The following MCM3AP variants were observed in gnomAD, a reference collection of about 807,000 sequenced individuals.
The protein encoded by MCM3AP is germinal-center associated nuclear protein.
In MCM3AP, 126 loss-of-function variants were observed where a neutral mutation model predicts 184.1. The ratio of observed to expected loss-of-function variants is 0.68; its 90% confidence interval spans 0.59 to 0.79. The LOEUF is 0.79. MCM3AP is among the 30% of genes least tolerant of loss of function. The pLI, the probability that MCM3AP is intolerant of heterozygous loss-of-function variation, is 0.00. For synonymous variants in MCM3AP, 1,002 were observed against 979.3 expected, an observed-to-expected ratio of 1.02 and a Z score of -0.43; for missense variants, 2,496 against 2,479.2, an observed-to-expected ratio of 1.01 and a Z score of -0.14.
At chr21:46,250,215 T>G (rs1489250746) in intron 20 of MCM3AP, 1 of 152,196 alleles carries the variant, frequency 6.6e-6, no homozygotes, top group Non-Finnish European at 1.5e-5. Context: ...CTGAGGTGAA[T>G]AGCAGTCACA....
rs779137311 is a variant in MCM3AP, at chr21:46,270,600, A to AT, written c.2466-38dup. ...AGGAGAGAAAAGGGGTTGGAATGTT[A>AT]TTTTAAATAAGACAAAATTTTCATG... On this transcript the variant is annotated intron_variant, in intron 8 of 27. Transcript: ENST00000291688. The AT allele has an allele frequency of 4.9e-5, 74 of 1,522,778 alleles. No individual in the cohort carries two copies. In the African/African-American group the frequency reaches 1.0e-3, roughly 21 times the overall value. 94.3% of individuals were successfully genotyped at this position (1,522,778 alleles called of 1,614,324 possible).
In MCM3AP at chr21:46,265,992, C is replaced by A. The variant is rs775884423; in HGVS notation, c.2964G>T (p.Lys988Asn). ...CCGCGGCCAGGCTCTCCCCGATGTACTTGTTCTGGGAGTTGAAGCTGCACA... is the reference window on the plus strand; with the variant it reads ...CCGCGGCCAGGCTCTCCCCGATGTAATTGTTCTGGGAGTTGAAGCTGCACA... ...TPVCSFNSQN[K>N]YIGESLAAEL... The change falls in exon 11 of 28, where the codon AAG (lysine) becomes AAT (asparagine). Residue 988 changes from lysine to asparagine, a missense_variant. By Grantham distance (94) the Lys-to-Asn change is moderately conservative. This residue lies in a region of MCM3AP where 1,323 missense variants were observed against 1,273.4 expected (regional missense o/e 1.04). Transcript: ENST00000291688. 6.2e-7 allele frequency: 1 copy of A among 1,607,826 alleles called. No homozygotes were observed. Among genetic ancestry groups the A allele is most frequent in the South Asian group, 1.1e-5 (1 of 88,956 alleles).
Position 46,242,803 on chromosome 21 carries a change from G to C in MCM3AP, c.5425C>G (p.Arg1809Gly), listed in dbSNP as rs776516842. Residue 1809 changes from arginine to glycine, a missense_variant and splice_region_variant, in exon 25 of 28, where the codon CGT (arginine) becomes GGT (glycine). By Grantham distance (125) the Arg-to-Gly change is moderately radical. Around this residue, in one of 5 missense-constraint regions of MCM3AP, gnomAD observed 1,323 missense variants for 1,273.4 expected, o/e 1.04. Coordinates refer to ENST00000291688, the MANE Select transcript of MCM3AP (RefSeq NM_003906.5). ...AAACATACTGAACATGAACCTCACC[G>C]TCCCTCTCTCAGCTGTAGCTCCTTC... is the stretch of plus-strand genomic sequence containing the variant. ...TQKELQLREGRLAIKPFHPSA... is the reference protein window; with the variant it reads ...TQKELQLREGGLAIKPFHPSA... The C allele has an allele frequency of 5.0e-6, 8 of 1,605,564 alleles. No homozygotes were observed. In the Admixed American group the frequency reaches 1.4e-4, roughly 28 times the overall value.
rs1242043325 is a variant in MCM3AP at position 46,243,624 on chromosome 21, G to C, written c.5137C>G (p.Leu1713Val). ...CACCTACAGTAGGTTCTGTGGAGCA[G>C]GTTCTCCACCTGGGACTGGAGGACA... ...QPVLQSQVEN[L>V]LHRTYCRWKS... Residue 1713 changes from leucine (L) to valine (V), a missense_variant, in exon 24 of 28, where the codon CTG becomes GTG. Leu to Val is a conservative substitution (Grantham distance 32, BLOSUM62 1). Transcript: ENST00000291688. The C allele has an allele frequency of 5.6e-6, 9 of 1,614,230 alleles. No homozygotes were observed. Among genetic ancestry groups the C allele is most frequent in the African/African-American group, 1.3e-5 (1 of 75,070 alleles).
intron 20 of MCM3AP, chr21:46,249,765 T>C: frequency 6.4e-6 from 2 of 313,506 alleles, no homozygotes; most frequent in South Asian, 5.1e-5. Context: ...CAGTCTGTGT[T>C]TGCACTCATT....
At position 46,280,118 on chromosome 21, in the gene MCM3AP, A is replaced by AT. The variant is rs2081312935; in HGVS notation, c.1541_1542insA (p.Phe514LeufsTer10). On this transcript the variant is annotated frameshift_variant, in exon 4 of 28. Transcript: ENST00000291688. LOFTEE classifies it high-confidence loss of function. The stretch of plus-strand genomic sequence containing the variant: ...CACCTGGTTTCTTCTCCTTCAGGGA[A>AT]AAGGGTTTCTTATTGGGGCCTGTGG... The AT allele has an allele frequency of 6.2e-7, 1 of 1,614,198 alleles. No homozygotes were observed.
At chr21:46,268,548 G>T (rs1297280284) in intron 9 of MCM3AP, among the ~76,000 whole-genome samples, 1 of 152,216 alleles carries the variant, frequency 6.6e-6, no homozygotes, top group African/African-American at 2.4e-5. Flanking sequence ...TGCTGAGGGC[G>T]GCAGCCAAGC....
chr21:46,283,791 T>C lies in MCM3AP; in HGVS notation c.1267A>G (p.Thr423Ala), dbSNP rs144151494. ...GGAGACAAGCCCCCAAGACTGTCTG[T>C]GCTCTCGCTTCTGTTACTCTGACGC... is the stretch of plus-strand genomic sequence containing the variant. The part of the protein sequence containing the change: ...PARQSNRSES[T>A]DSLGGLSPSE... Residue 423 changes from threonine (T) to alanine (A), a missense_variant, in exon 2 of 28, where the codon ACA becomes GCA. Coordinates refer to ENST00000291688, the MANE Select transcript of MCM3AP (RefSeq NM_003906.5). The C allele has an allele frequency of 2.6e-3, 4,246 of 1,614,114 alleles. 5 individuals are homozygous for C. The highest frequency in any genetic ancestry group is 3.4e-3 in the Non-Finnish European group (3,979 of 1,180,020).
intron 27 of MCM3AP, 133 bp from the exon 28 acceptor site, chr21:46,235,559 AATT>A (rs2080507103): frequency 4.2e-6 from 3 of 715,022 alleles, no homozygotes; most frequent in Non-Finnish European, 7.0e-6. Context: ...GAGGGAAAAA[AATT>A]ATCCTTTGTA....
At chr21:46,254,145 G>T in intron 19 of MCM3AP, 1 of 535,008 alleles carries the variant, frequency 1.9e-6, no homozygotes, top group Admixed American at 3.3e-5. Context: ...CCCAGTCTCA[G>T]ATATTTCTTT....
intron 10 of MCM3AP, 133 bp downstream of exon 10, chr21:46,266,849 G>C: frequency 1.1e-6 from 1 of 950,906 alleles, no homozygotes; most frequent in Non-Finnish European, 1.5e-6. Context: ...TCTGAGTCTC[G>C]TGTGTTCACC....
At chr21:46,276,184 G>A (rs994990273) in intron 5 of MCM3AP, among the ~76,000 whole-genome samples, 50 of 151,912 alleles carry the variant, frequency 3.3e-4, no homozygotes, top group African/African-American at 1.1e-3. Context: ...CCCGGGAGGC[G>A]GACGTTGCAG....
chr21:46,237,142 C>T (rs1183362100), intron 26 of MCM3AP, among the ~76,000 whole-genome samples, 163 bp from the exon 27 acceptor site: 1 of 136,798 alleles, frequency 7.3e-6, no homozygotes, highest in East Asian at 2.2e-4. Flanking sequence ...CACTCTGTTG[C>T]CCAGGCTGGA....
intron 9 of MCM3AP, among the ~76,000 whole-genome samples, chr21:46,268,304 G>A (rs1214897975): frequency 6.6e-6 from 1 of 152,212 alleles, no homozygotes; most frequent in Non-Finnish European, 1.5e-5. Flanking sequence ...TAAGCTGTTA[G>A]TCCTCTTCCG....
intron 9 of MCM3AP, chr21:46,267,529 C>T (rs1057020056): frequency 3.4e-5 from 6 of 175,154 alleles, no homozygotes; most frequent in Non-Finnish European, 7.3e-5. Flanking sequence ...AAACCAATCC[C>T]GTGGAATGAC....
At position 46,259,854 on chromosome 21, in the gene MCM3AP, G is replaced by C. The variant is rs1308238988; in HGVS notation, c.3582-763C>G. The stretch of plus-strand genomic sequence containing the variant: ...CGGGAGGCGGAGCTTGCAGTGAGCC[G>C]AGATGGCACCACTGCACTCCAGCTT... On this transcript the variant is annotated intron_variant, in intron 15 of 27. Transcript: ENST00000291688. 2.7e-5 allele frequency among the ~76,000 whole-genome samples: 4 copies of C among 148,664 alleles called. No individual in the cohort carries two copies. The Admixed American group carries it at 2.7e-4, about 10-fold the overall frequency.
rs368797124 is a variant in MCM3AP at position 46,267,153 on chromosome 21, G to A, written c.2629-11C>T. On this transcript the variant is annotated splice_polypyrimidine_tract_variant and intron_variant, in intron 9 of 27. Coordinates refer to ENST00000291688, the MANE Select transcript of MCM3AP (RefSeq NM_003906.5). ...AGCATCCTTGCGGATCTGAGAGGAGGAGCGAAATCACTGCAGTCTCAGACG... is the reference window on the plus strand; with the variant it reads ...AGCATCCTTGCGGATCTGAGAGGAGAAGCGAAATCACTGCAGTCTCAGACG... 17 of 1,611,980 alleles carry A rather than the reference G, an allele frequency of 1.1e-5. No individual in the cohort carries two copies. Among genetic ancestry groups the A allele is most frequent in the Middle Eastern group, 1.6e-4 (1 of 6,068 alleles).
chr21:46,237,329 C>T (rs1410710761), intron 26 of MCM3AP, among the ~76,000 whole-genome samples: 5 of 152,104 alleles, frequency 3.3e-5, no homozygotes, highest in Admixed American at 2.0e-4. Context: ...TCTTGAACTC[C>T]TGACCTCAGG....
rs536951824 is a variant in MCM3AP, at chr21:46,251,394, A to C, written c.4290+135T>G. On this transcript the variant is annotated intron_variant, in intron 20 of 27. Coordinates refer to ENST00000291688, the MANE Select transcript of MCM3AP (RefSeq NM_003906.5). ...TAAACGACATGTACGGACAGACATA[A>C]TACTTGCTTCTGAGCCTCCCAGTCT... 7.2e-6 allele frequency: 5 copies of C among 695,004 alleles called. No individual in the cohort carries two copies. In the South Asian group the frequency reaches 8.5e-5, roughly 12 times the overall value. 43.1% of individuals were successfully genotyped at this position (695,004 alleles called of 1,614,324 possible).
Sources: allele counts gnomAD v4.1 joint callset (sites outside exome capture counted in the v4.1 genomes callset), GRCh38; gene constraint gnomAD v4.1.1; regional missense constraint gnomAD v4.1.1; transcripts MANE v1.5; gene names NCBI Gene and HGNC (gene_info 2026-07-23, HGNC 2026-07-21).